INSL6: variants seen among roughly 807,000 people sequenced by gnomAD.
INSL6 encodes the protein insulin like 6, also known as insulin-like peptide INSL6.
A neutral mutation model predicts 9.4 loss-of-function variants in INSL6; 16 were observed. That is an observed-to-expected ratio of 1.70 (90% confidence interval 1.15 to 2.59). The LOEUF (loss-of-function observed/expected upper bound fraction) is 2.59, where lower values mean the gene tolerates loss of function less well. Among genes scored for constraint, INSL6 ranks in the 30% most tolerant of loss-of-function variants. The pLI is 0.00. For missense variants in INSL6, 391 were observed against 257.3 expected (o/e 1.52, Z -3.56); for synonymous variants, 154 against 96.9 (o/e 1.59, Z -3.46).
chr9:5,013,615 T>C, the INSL6 span, among the ~76,000 whole-genome samples: 1 of 152,200 alleles, frequency 6.6e-6, no homozygotes, highest in African/African-American at 2.4e-5. Flanking sequence ...TTTGCATGCT[T>C]TTCTCCCTGC....
the INSL6 span, chr9:5,113,427 A>ATT: frequency 1.2e-4 from 6 of 50,508 alleles, no homozygotes; most frequent in African/African-American, 2.5e-4. Context: ...AGTTATTTAA[A>ATT]AAAAAAAAAA....
At chr9:5,167,242 T>C (rs1309017476) in intron 1 of INSL6, among the ~76,000 whole-genome samples, 4 of 152,162 alleles carry the variant, frequency 2.6e-5, no homozygotes, top group Non-Finnish European at 5.9e-5. Context: ...CCATGAATCC[T>C]TGCAACCTGG....
At chr9:5,001,798 T>A in the INSL6 span, among the ~76,000 whole-genome samples, 2 of 152,216 alleles carry the variant, frequency 1.3e-5, no homozygotes, top group East Asian at 3.9e-4. Context: ...GAAGTCACTT[T>A]GGCCAAGAGT....
chr9:5,147,774 T>A (rs114541657), intron 2 of INSL6, among the ~76,000 whole-genome samples: 1 of 152,212 alleles, frequency 6.6e-6, no homozygotes, highest in South Asian at 2.1e-4. Context: ...TTTGACTGCG[T>A]TGATTTGAAA....
At position 5,163,873 on chromosome 9, in the gene INSL6, G is replaced by T; in HGVS notation, c.*40C>A. 7.9e-7 allele frequency: 1 copy of T among 1,261,264 alleles called. No individual in the cohort carries two copies. The highest frequency in any genetic ancestry group is 1.1e-6 in the Non-Finnish European group (1 of 885,308). 78.1% of individuals were successfully genotyped at this position (1,261,264 alleles called of 1,614,324 possible). On this transcript the variant is annotated 3_prime_UTR_variant, in exon 2 of 2. Transcript: ENST00000381641. ...CAAAAAAAAATAGAGTTAAATAAAT[G>T]TATTAAGCTTTTATTAGGTTAGAAA...
chr9:5,114,916 A>G, the INSL6 span: 1 of 186,834 alleles, frequency 5.4e-6, no homozygotes, highest in Non-Finnish European at 1.1e-5. Flanking sequence ...ACCCCCAATA[A>G]ACAGTGCCTG....
chr9:5,142,871 C>G (rs1307124242), intron 2 of INSL6, among the ~76,000 whole-genome samples: 1 of 151,998 alleles, frequency 6.6e-6, no homozygotes, highest in Non-Finnish European at 1.5e-5. Flanking sequence ...GAGGTATATT[C>G]CTTTCAATAC....
chr9:5,116,766 C>T, the INSL6 span, among the ~76,000 whole-genome samples: 2 of 152,156 alleles, frequency 1.3e-5, no homozygotes, highest in Non-Finnish European at 2.9e-5. Flanking sequence ...AAAAGTTTGA[C>T]GTGATAGGCA....
chr9:5,049,451 T>G, the INSL6 span, among the ~76,000 whole-genome samples: 473 of 152,368 alleles, frequency 3.1e-3, 1 homozygote, highest in African/African-American at 0.011. Flanking sequence ...TACCCTGTTT[T>G]GTGTCCATCA....
At chr9:5,061,953 A>G in the INSL6 span, among the ~76,000 whole-genome samples, 1 of 152,160 alleles carries the variant, frequency 6.6e-6, no homozygotes, top group Non-Finnish European at 1.5e-5. Flanking sequence ...GGGAATAGGG[A>G]GGCCTGAGGA....
At chr9:5,119,786 A>T (rs540957139), downstream of INSL6, among the ~76,000 whole-genome samples, 1 of 152,306 alleles carries the variant, frequency 6.6e-6, no homozygotes, top group African/African-American at 2.4e-5. Context: ...CAAAATTTTC[A>T]TATGTACTTA....
chr9:5,110,930 G>A, the INSL6 span: 2 of 579,422 alleles, frequency 3.5e-6, no homozygotes, highest in East Asian at 4.2e-5. Context: ...CAGCCGCAGA[G>A]GATGGCATCC....
chr9:5,024,679 A>G, the INSL6 span, among the ~76,000 whole-genome samples: 1 of 152,172 alleles, frequency 6.6e-6, no homozygotes, highest in South Asian at 2.1e-4. Context: ...CCTCAACTTT[A>G]GACCTCTGCC....
intron 1 of INSL6, among the ~76,000 whole-genome samples, chr9:5,168,839 C>G (rs1006699004): frequency 2.6e-5 from 4 of 151,906 alleles, no homozygotes; most frequent in African/African-American, 9.7e-5. Context: ...GGTCGAGTCA[C>G]CTATAAAGGG....
intron 2 of INSL6, among the ~76,000 whole-genome samples, chr9:5,152,556 A>G (rs1824731908): frequency 6.6e-6 from 1 of 152,224 alleles, no homozygotes; most frequent in African/African-American, 2.4e-5. Context: ...TGAAATTTAT[A>G]GCTTTAGATG....
chr9:5,161,772 T>A (rs141917782), downstream of INSL6, among the ~76,000 whole-genome samples: 1,078 of 152,250 alleles, frequency 7.1e-3, 10 homozygotes, highest in African/African-American at 0.025. Context: ...CAAAATTCAG[T>A]AGCACTTCTA....
Position 5,125,379 on chromosome 9 carries a change from T to C in INSL6, c.*11-868A>G, listed in dbSNP as rs539155540. Among the ~76,000 whole-genome samples, 194 of 151,568 alleles carry C rather than the reference T, an allele frequency of 1.3e-3. 2 individuals are homozygous for C. Among genetic ancestry groups the C allele is most frequent in the African/African-American group, 4.6e-3 (190 of 41,502 alleles). ...AAAAATGTACTGCAAATATGTTTTCTAATTGCTGAGTAGCATTCCATCATA... is the reference window on the plus strand; with the variant it reads ...AAAAATGTACTGCAAATATGTTTTCCAATTGCTGAGTAGCATTCCATCATA... On this transcript the variant is annotated intron_variant, in intron 3 of 3. Coordinates refer to the INSL6 transcript ENST00000649639.
At chr9:5,079,367 C>G in the INSL6 span, among the ~76,000 whole-genome samples, 8 of 152,172 alleles carry the variant, frequency 5.3e-5, no homozygotes, top group African/African-American at 1.9e-4. Flanking sequence ...CTGGTGGAAT[C>G]AAAGACCACA....
At chr9:5,165,206 A>T (rs910741239) in intron 1 of INSL6, among the ~76,000 whole-genome samples, 3 of 152,198 alleles carry the variant, frequency 2.0e-5, no homozygotes, top group African/African-American at 7.2e-5. Context: ...GCAAGACTCC[A>T]TCTCAAAAAA....
Sources: allele counts gnomAD v4.1 joint callset (sites outside exome capture counted in the v4.1 genomes callset), GRCh38; gene constraint gnomAD v4.1.1; transcripts MANE v1.5; gene names NCBI Gene and HGNC (gene_info 2026-07-23, HGNC 2026-07-21).